Variants in EFCAB11 observed in about 807,000 individuals in gnomAD.
EFCAB11 encodes the protein EF-hand calcium binding domain 11.
A neutral mutation model predicts 23.0 loss-of-function variants in EFCAB11; 14 were observed. That is an observed-to-expected ratio of 0.61 (90% CI 0.40 to 0.95). EFCAB11 has a LOEUF of 0.95. Ranked by LOEUF, EFCAB11 falls within the 40% of genes least tolerant of loss-of-function variation. The pLI is 0.00. For missense variants in EFCAB11, 198 were observed against 195.8 expected (o/e 1.01, Z -0.07); for synonymous variants, 65 against 66.6 (o/e 0.98, Z 0.11).
chr14:89,814,596 C>T (rs1312412262), intron 5 of EFCAB11, among the ~76,000 whole-genome samples: 2 of 151,756 alleles, frequency 1.3e-5, no homozygotes, highest in Non-Finnish European at 2.9e-5. Flanking sequence ...CCCAGCTACT[C>T]GGGAGGCTGA....
At chr14:89,876,612 G>C (rs988143096) in intron 5 of EFCAB11, among the ~76,000 whole-genome samples, 1 of 152,198 alleles carries the variant, frequency 6.6e-6, no homozygotes, top group African/African-American at 2.4e-5. Context: ...GAAGGGTTCA[G>C]TTGGGGTCAC....
intron 5 of EFCAB11, among the ~76,000 whole-genome samples, chr14:89,877,448 C>T (rs1394775410): frequency 2.0e-5 from 3 of 152,284 alleles, no homozygotes; most frequent in Non-Finnish European, 2.9e-5. Flanking sequence ...AGGATTACTA[C>T]TGGGTATAAG....
chr14:89,847,568 C>T (rs548808218), intron 5 of EFCAB11, among the ~76,000 whole-genome samples: 35 of 152,024 alleles, frequency 2.3e-4, no homozygotes, highest in Non-Finnish European at 4.4e-4. Context: ...GGGGAAACCC[C>T]ATCTCTACTA....
At chr14:89,829,420 G>C (rs1886812943) in intron 5 of EFCAB11, among the ~76,000 whole-genome samples, 1 of 152,206 alleles carries the variant, frequency 6.6e-6, no homozygotes, top group African/African-American at 2.4e-5. Context: ...ATCATAACCA[G>C]CTGTTGCTGC....
intron 5 of EFCAB11, among the ~76,000 whole-genome samples, chr14:89,884,311 A>C (rs1888687051): frequency 6.6e-6 from 1 of 152,238 alleles, no homozygotes; most frequent in Non-Finnish European, 1.5e-5. Flanking sequence ...CAACATGAGC[A>C]GAAAAAGCAT....
chr14:89,802,025 T>G (rs1300616211), intron 5 of EFCAB11, among the ~76,000 whole-genome samples: 3 of 152,072 alleles, frequency 2.0e-5, no homozygotes, highest in Non-Finnish European at 2.9e-5. Context: ...AGTCAATGTT[T>G]CTCACAAGGA....
At chr14:89,875,475 G>C (rs1375695827) in intron 5 of EFCAB11, among the ~76,000 whole-genome samples, 5 of 152,118 alleles carry the variant, frequency 3.3e-5, no homozygotes, top group Non-Finnish European at 7.3e-5. Flanking sequence ...CAAGAATGTT[G>C]AGGTGGAAAA....
chr14:89,802,861 A>G (rs1180505109), intron 5 of EFCAB11, among the ~76,000 whole-genome samples: 1 of 152,226 alleles, frequency 6.6e-6, no homozygotes, highest in Non-Finnish European at 1.5e-5. Context: ...TTTTCTTTCA[A>G]TTTAGTCTGA....
intron 5 of EFCAB11, among the ~76,000 whole-genome samples, chr14:89,870,456 T>C (rs1163343178): frequency 6.6e-6 from 1 of 152,198 alleles, no homozygotes; most frequent in Non-Finnish European, 1.5e-5. Context: ...CAACAGATGT[T>C]ATATGACTCA....
chr14:89,801,907 C>T (rs1885793031), intron 5 of EFCAB11, among the ~76,000 whole-genome samples: 1 of 151,514 alleles, frequency 6.6e-6, no homozygotes, highest in Admixed American at 6.6e-5. Context: ...GGCAGAAGAA[C>T]TGGTTGAAGC....
intron 5 of EFCAB11, among the ~76,000 whole-genome samples, chr14:89,908,955 G>A (rs868086062): frequency 6.6e-6 from 1 of 152,182 alleles, no homozygotes; most frequent in South Asian, 2.1e-4. Context: ...AGCCAAGATA[G>A]TAGGCAAAAC....
At chr14:89,906,520 C>T (rs567560334) in intron 5 of EFCAB11, among the ~76,000 whole-genome samples, 2 of 152,218 alleles carry the variant, frequency 1.3e-5, no homozygotes, top group Admixed American at 1.3e-4. Flanking sequence ...TAGAAGTGAA[C>T]ATTTGATGTC....
rs554165107 is a variant in EFCAB11, at chr14:89,834,882, G to A, written c.411-37558C>T. Among the ~76,000 whole-genome samples the A allele has an allele frequency of 5.1e-4, 78 of 152,272 alleles. 1 individual carries two copies. The highest frequency in any genetic ancestry group is 1.9e-3 in the African/African-American group (77 of 41,550). On this transcript the variant is annotated intron_variant, in intron 5 of 5. Coordinates refer to ENST00000316738, the MANE Select transcript of EFCAB11 (RefSeq NM_145231.4). ...GAAAAGGGCAGAATCCAAAGCTATG[G>A]TGGAAGGATTTGTCTGGGGCTGGGA...
At chr14:89,937,355 T>G (rs1890621756) in intron 3 of EFCAB11, among the ~76,000 whole-genome samples, 1 of 152,206 alleles carries the variant, frequency 6.6e-6, no homozygotes. Flanking sequence ...TCTTTGAATG[T>G]GTCCCCAAAG....
chr14:89,836,407 T>C, intron 5 of EFCAB11: 1 of 364,518 alleles, frequency 2.7e-6, no homozygotes, highest in Non-Finnish European at 5.4e-6. Context: ...TACACAGCCC[T>C]GAGGCTGCTT....
At chr14:89,936,210 C>A (rs74818154) in intron 3 of EFCAB11, among the ~76,000 whole-genome samples, 2 of 152,066 alleles carry the variant, frequency 1.3e-5, no homozygotes, top group Non-Finnish European at 2.9e-5. Context: ...CTTATCATTG[C>A]ATTTGACTTA....
chr14:89,938,089 CA>C (rs1890653833), intron 3 of EFCAB11: 1 of 152,078 alleles, frequency 6.6e-6, no homozygotes, highest in African/African-American at 2.4e-5. Context: ...GGTCAGTGCA[CA>C]CAGAGAAATC....
intron 5 of EFCAB11, among the ~76,000 whole-genome samples, chr14:89,863,591 C>A (rs1264643618): frequency 6.6e-6 from 1 of 152,192 alleles, no homozygotes; most frequent in Non-Finnish European, 1.5e-5. Context: ...ATTTGCTTTT[C>A]TTCCCAAAGA....
intron 5 of EFCAB11, among the ~76,000 whole-genome samples, chr14:89,841,014 C>G (rs992599581): frequency 6.6e-6 from 1 of 152,192 alleles, no homozygotes; most frequent in Non-Finnish European, 1.5e-5. Flanking sequence ...TGGGGAGCCC[C>G]TCTGGCCTTC....
Sources: gnomAD v4.1 joint callset for allele counts (sites outside exome capture counted in the v4.1 genomes callset) on GRCh38, gnomAD v4.1.1 for gene constraint, MANE v1.5 for transcripts, NCBI Gene and HGNC (gene_info 2026-07-23, HGNC 2026-07-21) for gene names.